Variants in MUC17 observed in about 807,000 individuals in gnomAD.
MUC17 encodes the protein mucin-17.
In MUC17, 190 loss-of-function variants were observed where a neutral mutation model predicts 170.3. The observed-to-expected ratio is 1.12, with a 90% CI of 0.99 to 1.26. The LOEUF is 1.26. Among genes scored for constraint, MUC17 ranks in the 50% most tolerant of loss-of-function variants. The pLI, the probability that MUC17 is intolerant of heterozygous loss-of-function variation, is 0.00. For missense variants in MUC17, 6,415 were observed against 5,530.0 expected (o/e 1.16, Z -5.08); for synonymous variants, 2,325 against 2,002.5 (o/e 1.16, Z -4.30).
chr7:101,033,336 G>T lies in MUC17; in HGVS notation c.1920G>T (p.Leu640=). Residue 640 remains leucine, a synonymous_variant, in exon 3 of 13, where the codon CTG becomes CTT. Coordinates refer to ENST00000306151, the MANE Select transcript of MUC17 (RefSeq NM_001040105.2). ...CAAGTATGTCTGTCAGCACCACACT[G>T]GTGGCCAGTTCTGAGGCTAGCACCC... ...TITSMSVSTT[L]VASSEASTLS... The T allele has an allele frequency of 6.2e-7, 1 of 1,613,600 alleles. No homozygotes were observed. The highest frequency in any genetic ancestry group is 8.5e-7 in the Non-Finnish European group (1 of 1,179,732).
In MUC17 at chr7:101,035,898, A is replaced by C. The variant is rs777426968; in HGVS notation, c.4482A>C (p.Ser1494=). 1.9e-6 allele frequency: 3 copies of C among 1,611,884 alleles called. No individual in the cohort carries two copies. The highest frequency in any genetic ancestry group is 2.5e-6 in the Non-Finnish European group (3 of 1,178,828). ...SPVVTSTAVS[S]SPTPAEGTSI... Reference sequence around the variant, plus strand: ...TGGTCACTTCTACAGCAGTCAGTTCATCTCCTACACCTGCTGAAGGTACCA... The same window carrying C: ...TGGTCACTTCTACAGCAGTCAGTTCCTCTCCTACACCTGCTGAAGGTACCA... Residue 1494 remains serine (S), a synonymous_variant, in exon 3 of 13, where the codon TCA becomes TCC. Transcript: ENST00000306151.
At chr7:101,056,027 G>C (rs983457148) in intron 11 of MUC17, among the ~76,000 whole-genome samples, 167 bp from the exon 12 acceptor site, 1 of 152,178 alleles carries the variant, frequency 6.6e-6, no homozygotes, top group Admixed American at 6.5e-5. Context: ...GTATTAGGGA[G>C]CTGCTGAGTC....
chr7:101,053,261 AT>A, intron 10 of MUC17, 77 bp from the exon 11 acceptor site: 1 of 1,582,448 alleles, frequency 6.3e-7, no homozygotes, highest in Non-Finnish European at 8.7e-7. Flanking sequence ...GCAGCTAAAA[AT>A]GGGGATACAG....
intron 3 of MUC17, among the ~76,000 whole-genome samples, chr7:101,046,968 C>G (rs1354417851): frequency 6.6e-6 from 1 of 151,320 alleles, no homozygotes; most frequent in Admixed American, 6.6e-5. Context: ...GTAGTCCCAG[C>G]TACTTGGGAG....
intron 1 of MUC17, among the ~76,000 whole-genome samples, chr7:101,029,124 G>T (rs372597451): frequency 1.3e-5 from 2 of 151,992 alleles, no homozygotes; most frequent in African/African-American, 4.8e-5. Context: ...GAAGGCAGAG[G>T]TTGTGGTGAG....
At chr7:101,025,016 G>A (rs150826221) in intron 1 of MUC17, among the ~76,000 whole-genome samples, 1 of 151,720 alleles carries the variant, frequency 6.6e-6, no homozygotes, top group African/African-American at 2.4e-5. Context: ...CGGAGACCAC[G>A]TCTCTAAAAA....
Position 101,039,463 on chromosome 7 carries a change from C to G in MUC17, c.8047C>G (p.Pro2683Ala), listed in dbSNP as rs1428227196. 1 of 1,611,390 alleles carries G rather than the reference C, an allele frequency of 6.2e-7. No homozygotes were observed. The highest frequency in any genetic ancestry group is 1.3e-5 in the African/African-American group (1 of 74,720). Residue 2683 changes from proline (P) to alanine (A), a missense_variant, in exon 3 of 13, where the codon CCA (proline) becomes GCA (alanine). By Grantham distance (27) the Pro-to-Ala change is conservative (BLOSUM62 -1). Coordinates refer to ENST00000306151, the MANE Select transcript of MUC17 (RefSeq NM_001040105.2). ...SPTTAEGSSM[P>A]TSTPGERSTP... ...TACAACTGCTGAAGGTAGCAGCATG[C>G]CAACCTCAACTCCTGGTGAAAGAAG...
chr7:101,056,199 G>A lies in MUC17; in HGVS notation c.13369G>A (p.Asp4457Asn), dbSNP rs1232817776. 6.2e-7 allele frequency: 1 copy of A among 1,613,938 alleles called. No homozygotes were observed. ...GCTTTCCATCCCTCCACAAGATGAT[G>A]ATTCCATCCACCTGGAGTCCATCTA... ...NIGFDICQDDDSIHLESIYSN... is the reference protein window; with the variant it reads ...NIGFDICQDDNSIHLESIYSN... Residue 4457 changes from aspartate (D) to asparagine (N), a missense_variant, in exon 12 of 13, where the codon GAT becomes AAT. Asp to Asn is a conservative substitution (Grantham distance 23). Coordinates refer to ENST00000306151, the MANE Select transcript of MUC17 (RefSeq NM_001040105.2).
At chr7:101,045,628 G>A (rs1389939425) in intron 3 of MUC17, among the ~76,000 whole-genome samples, 1 of 152,136 alleles carries the variant, frequency 6.6e-6, no homozygotes, top group East Asian at 1.9e-4. Context: ...CCTGTCCTCA[G>A]GTGATCCACC....
rs375381499 is a variant in MUC17, at chr7:101,032,448, G to A, written c.1032G>A (p.Met344Ile). Residue 344 changes from methionine to isoleucine, a missense_variant, in exon 3 of 13, where the codon ATG becomes ATA. By Grantham distance (10) the Met-to-Ile change is conservative. Coordinates refer to ENST00000306151, the MANE Select transcript of MUC17 (RefSeq NM_001040105.2). The stretch of plus-strand genomic sequence containing the variant: ...TAACAAGTACGCCTGCCAGCACCAT[G>A]CCGGTTGCCACTTCTGAAATGAGCA... ...TPLTSTPAST[M>I]PVATSEMSTL... 15 of 1,613,184 alleles carry A rather than the reference G, an allele frequency of 9.3e-6. No homozygotes were observed. The highest frequency in any genetic ancestry group is 1.7e-6 in the Non-Finnish European group (2 of 1,179,740).
intron 12 of MUC17, among the ~76,000 whole-genome samples, chr7:101,056,618 A>G (rs1795050550): frequency 1.3e-5 from 2 of 152,242 alleles, no homozygotes; most frequent in Non-Finnish European, 2.9e-5. Flanking sequence ...TATTCCATCT[A>G]GCTCAACAAG....
intron 1 of MUC17, among the ~76,000 whole-genome samples, chr7:101,020,425 C>T (rs1390476983): frequency 5.9e-5 from 9 of 152,170 alleles, no homozygotes; most frequent in Non-Finnish European, 1.0e-4. Flanking sequence ...GAGCCTCTTC[C>T]AGTTGAGGTC....
At chr7:101,049,782 C>G (rs921702338) in intron 6 of MUC17, among the ~76,000 whole-genome samples, 1 of 152,134 alleles carries the variant, frequency 6.6e-6, no homozygotes, top group African/African-American at 2.4e-5. Flanking sequence ...TTTAAAGACC[C>G]TATCTCCAAA....
rs777723916 is a variant in MUC17 at position 101,037,691 on chromosome 7, T to C, written c.6275T>C (p.Met2092Thr). Residue 2092 changes from methionine (M) to threonine (T), a missense_variant, in exon 3 of 13, where the codon ATG (methionine) becomes ACG (threonine). By Grantham distance (81) the Met-to-Thr change is moderately conservative (BLOSUM62 -1). Coordinates refer to ENST00000306151, the MANE Select transcript of MUC17 (RefSeq NM_001040105.2). ...SSSATAEGSS[M>T]TISAPSEGSP... ...TCTGCAACCGCTGAAGGTAGCAGCA[T>C]GACAATCTCAGCTCCTAGTGAAGGA... The C allele has an allele frequency of 1.3e-5, 21 of 1,612,930 alleles. No individual in the cohort carries two copies. The highest frequency in any genetic ancestry group is 1.8e-5 in the Non-Finnish European group (21 of 1,179,774).
intron 1 of MUC17, among the ~76,000 whole-genome samples, chr7:101,022,295 T>G (rs975028018): frequency 1.3e-5 from 2 of 151,710 alleles, no homozygotes; most frequent in Non-Finnish European, 2.9e-5. Context: ...GCCTCCCGAG[T>G]AGCTGGGATT....
Position 101,042,922 on chromosome 7 carries a change from T to C in MUC17, c.11506T>C (p.Ser3836Pro). The C allele has an allele frequency of 6.2e-7, 1 of 1,614,124 alleles. No individual in the cohort carries two copies. Among genetic ancestry groups the C allele is most frequent in the African/African-American group, 1.3e-5 (1 of 75,036 alleles). The part of the protein sequence containing the change: ...VMSPSEASTL[S>P]TPPGDTSTPL... ...GAGTCCTTCTGAGGCCAGCACACTTTCAACACCTCCTGGTGATACCAGCAC... is the reference window on the plus strand; with the variant it reads ...GAGTCCTTCTGAGGCCAGCACACTTCCAACACCTCCTGGTGATACCAGCAC... Residue 3836 changes from serine to proline, a missense_variant, in exon 3 of 13, where the codon TCA (serine) becomes CCA (proline). Coordinates refer to ENST00000306151, the MANE Select transcript of MUC17 (RefSeq NM_001040105.2).
chr7:101,036,979 A>G lies in MUC17; in HGVS notation c.5563A>G (p.Thr1855Ala). The change falls in exon 3 of 13, where the codon ACC (threonine) becomes GCC (alanine). Residue 1855 changes from threonine (T) to alanine (A), a missense_variant. Coordinates refer to ENST00000306151, the MANE Select transcript of MUC17 (RefSeq NM_001040105.2). Reference sequence around the variant, plus strand: ...TTCATCTCCTACACCTGCTGAAGGTACCAGCATAGCAACCTCAACGCCTAG... The same window carrying G: ...TTCATCTCCTACACCTGCTGAAGGTGCCAGCATAGCAACCTCAACGCCTAG... ...VSSSPTPAEGTSIATSTPSEG... is the reference protein window; with the variant it reads ...VSSSPTPAEGASIATSTPSEG... 1 of 1,584,196 alleles carries G rather than the reference A, an allele frequency of 6.3e-7. No individual in the cohort carries two copies. Among genetic ancestry groups the G allele is most frequent in the Non-Finnish European group, 8.5e-7 (1 of 1,179,090 alleles).
chr7:101,042,440 C>T lies in MUC17; in HGVS notation c.11024C>T (p.Ser3675Phe). 2.5e-6 allele frequency: 4 copies of T among 1,614,110 alleles called. No homozygotes were observed. ...PVITSTQVSS[S>F]PVTPEGTTMP... ...ATCACTTCTACCCAAGTCAGTTCAT[C>T]TCCTGTGACTCCTGAAGGTACCACC... The change falls in exon 3 of 13, where the codon TCT (serine) becomes TTT (phenylalanine). Residue 3675 changes from serine (S) to phenylalanine (F), a missense_variant. Coordinates refer to ENST00000306151, the MANE Select transcript of MUC17 (RefSeq NM_001040105.2).
Position 101,032,140 on chromosome 7 carries a change from G to T in MUC17, c.724G>T (p.Glu242Ter). The T allele has an allele frequency of 6.2e-7, 1 of 1,613,802 alleles. No homozygotes were observed. The highest frequency in any genetic ancestry group is 8.5e-7 in the Non-Finnish European group (1 of 1,179,974). ...TATCACCCTTTTGACAACTCCTGTT[G>T]AAATCAGCACACCTGTGACCATTTC... The part of the protein sequence containing the change: ...EAITLLTTPV[E>*]ISTPVTISAQ... The change falls in exon 3 of 13, where the codon GAA becomes TAA. Residue 242 changes from glutamate to a stop codon, truncating the protein, a stop_gained. Transcript: ENST00000306151. LOFTEE classifies it high-confidence loss of function.
Sources: allele counts gnomAD v4.1 joint callset (sites outside exome capture counted in the v4.1 genomes callset), GRCh38; gene constraint gnomAD v4.1.1; transcripts MANE v1.5; gene names NCBI Gene and HGNC (gene_info 2026-07-23, HGNC 2026-07-21).